Variants in CFAP221 observed in about 807,000 individuals in gnomAD.
CFAP221 encodes the protein cilia and flagella associated protein 221, also known as cilia- and flagella-associated protein 221.
CFAP221 carries 97 observed loss-of-function variants against 113.1 expected under a neutral mutation model. That is an observed-to-expected ratio of 0.86 (90% confidence interval 0.73 to 1.02). The LOEUF (loss-of-function observed/expected upper bound fraction) is 1.02. Ranked by LOEUF, CFAP221 falls within the 50% of genes least tolerant of loss-of-function variation. The probability of loss-of-function intolerance (pLI) is 0.00; values close to 1 mark genes in which losing one functional copy is unlikely to be tolerated. For synonymous variants in CFAP221, 331 were observed against 354.4 expected, an observed-to-expected ratio of 0.93 and a Z score of 0.74; for missense variants, 1,025 against 1,013.4, an observed-to-expected ratio of 1.01 and a Z score of -0.16.
At chr2:119,647,650 A>C (rs1011759719) in intron 22 of CFAP221, among the ~76,000 whole-genome samples, 4 of 152,124 alleles carry the variant, frequency 2.6e-5, no homozygotes, top group Non-Finnish European at 5.9e-5. Flanking sequence ...CTCACCTGGC[A>C]TTGCCCCATT....
intron 11 of CFAP221, among the ~76,000 whole-genome samples, chr2:119,606,639 A>T (rs945474772): frequency 7.9e-5 from 12 of 152,126 alleles, no homozygotes; most frequent in Admixed American, 7.9e-4. Context: ...TTTTTTACAT[A>T]TAGAGAAGGA....
At chr2:119,557,044 C>G (rs959126986) in intron 3 of CFAP221, 19 of 152,194 alleles carry the variant, frequency 1.2e-4, no homozygotes, top group Admixed American at 9.8e-4. Context: ...AGTTTAGGTT[C>G]CTGTCTTCCT....
intron 19 of CFAP221, among the ~76,000 whole-genome samples, chr2:119,631,570 G>T (rs1410198451): frequency 6.6e-6 from 1 of 152,198 alleles, no homozygotes; most frequent in Non-Finnish European, 1.5e-5. Context: ...AGCTATTCAG[G>T]AGGCTGAGGC....
intron 7 of CFAP221, among the ~76,000 whole-genome samples, chr2:119,597,660 A>G (rs1031844874): frequency 6.6e-6 from 1 of 152,196 alleles, no homozygotes; most frequent in Non-Finnish European, 1.5e-5. Flanking sequence ...AAATTTACCG[A>G]AAAACGAAAG....
chr2:119,607,967 C>T (rs1684884446), intron 11 of CFAP221, among the ~76,000 whole-genome samples: 1 of 152,168 alleles, frequency 6.6e-6, no homozygotes, highest in South Asian at 2.1e-4. Flanking sequence ...CTGCTATGAA[C>T]ATTTATATGC....
Position 119,549,123 on chromosome 2 carries a change from G to A in CFAP221, c.178G>A (p.Ala60Thr). ...ACTTGTGAATAATAAGGTCATACAGGCAAGACCTGGCATAATACATTTTGG... is the reference window on the plus strand; with the variant it reads ...ACTTGTGAATAATAAGGTCATACAGACAAGACCTGGCATAATACATTTTGG... Reference protein sequence around the residue: ...AKLVNNKVIQARPGIIHFGGY... With the variant: ...AKLVNNKVIQTRPGIIHFGGY... The change falls in exon 3 of 24, where the codon GCA (alanine) becomes ACA (threonine). Residue 60 changes from alanine to threonine, a missense_variant. By Grantham distance (58) the Ala-to-Thr change is moderately conservative. Transcript: ENST00000413369. 1 of 1,534,768 alleles carries A rather than the reference G, an allele frequency of 6.5e-7. No homozygotes were observed.
intron 2 of CFAP221, 110 bp downstream of exon 2, chr2:119,546,380 A>G: frequency 8.2e-7 from 1 of 1,223,642 alleles, no homozygotes; most frequent in East Asian, 2.6e-5. Flanking sequence ...ATCATTTTAT[A>G]GGCTTATACT....
intron 6 of CFAP221, among the ~76,000 whole-genome samples, chr2:119,570,916 C>T (rs1681995898): frequency 6.6e-6 from 1 of 152,046 alleles, no homozygotes; most frequent in Non-Finnish European, 1.5e-5. Flanking sequence ...ATTGTTAGGT[C>T]ATATGGTAAA....
chr2:119,544,930 A>G (rs1157796618), intron 1 of CFAP221, among the ~76,000 whole-genome samples: 1 of 151,348 alleles, frequency 6.6e-6, no homozygotes, highest in Admixed American at 6.6e-5. Context: ...CTCCGGGAGG[A>G]GACGGGCTGC....
At chr2:119,620,480 C>A (rs1685828754) in intron 14 of CFAP221, among the ~76,000 whole-genome samples, 1 of 152,168 alleles carries the variant, frequency 6.6e-6, no homozygotes, top group Non-Finnish European at 1.5e-5. Context: ...AATTTCATAT[C>A]CAGCCAAACT....
At chr2:119,593,742 G>T (rs577819642) in intron 7 of CFAP221, among the ~76,000 whole-genome samples, 86 of 152,260 alleles carry the variant, frequency 5.6e-4, no homozygotes, top group Non-Finnish European at 1.0e-3. Context: ...GGAGGCTGAG[G>T]CAGGAGAATG....
Position 119,560,046 on chromosome 2 carries a change from T to C in CFAP221, c.426+20T>C, listed in dbSNP as rs766835517. ...TGTAAGGTAGGTCTCTTAAAATTGCTTTTTTTTTTTTTTTTTTTTGATGGT... is the reference window on the plus strand; with the variant it reads ...TGTAAGGTAGGTCTCTTAAAATTGCCTTTTTTTTTTTTTTTTTTTGATGGT... On this transcript the variant is annotated intron_variant, in intron 5 of 23. Coordinates refer to ENST00000413369, the MANE Select transcript of CFAP221 (RefSeq NM_001271049.2). 8.3e-5 allele frequency: 11 copies of C among 133,052 alleles called. No individual in the cohort carries two copies. In the Admixed American group the frequency reaches 1.2e-3, roughly 15 times the overall value. 8.2% of individuals were successfully genotyped at this position (133,052 alleles called of 1,614,324 possible).
At chr2:119,568,694 T>C (rs1013618602) in intron 6 of CFAP221, among the ~76,000 whole-genome samples, 2 of 152,228 alleles carry the variant, frequency 1.3e-5, no homozygotes, top group African/African-American at 4.8e-5. Context: ...GGCTGGATAG[T>C]ATTCCATGGT....
chr2:119,579,728 C>T (rs1222906368), intron 6 of CFAP221, among the ~76,000 whole-genome samples: 1 of 152,124 alleles, frequency 6.6e-6, no homozygotes, highest in Non-Finnish European at 1.5e-5. Context: ...ACCCTGACAC[C>T]TTTTCTATGG....
intron 6 of CFAP221, 137 bp downstream of exon 6, chr2:119,562,251 G>T: frequency 5.6e-6 from 1 of 177,658 alleles, no homozygotes; most frequent in Non-Finnish European, 8.2e-6. Context: ...CATTGTAAAA[G>T]GCAAAAAAAA....
intron 12 of CFAP221, 90 bp from the exon 13 acceptor site, chr2:119,611,563 A>T: frequency 8.5e-7 from 1 of 1,170,146 alleles, no homozygotes; most frequent in Non-Finnish European, 1.2e-6. Context: ...GGATTTGGCC[A>T]ATTGCTTAAT....
intron 14 of CFAP221, among the ~76,000 whole-genome samples, chr2:119,616,004 T>C (rs1685499593): frequency 6.6e-6 from 1 of 152,246 alleles, no homozygotes; most frequent in Non-Finnish European, 1.5e-5. Context: ...TCTCTGTCTC[T>C]ACGGATTTGC....
At chr2:119,608,474 G>C in intron 11 of CFAP221, 28 bp from the exon 12 acceptor site, 1 of 1,442,912 alleles carries the variant, frequency 6.9e-7, no homozygotes, top group Middle Eastern at 1.8e-4. Context: ...GATGGGTTCT[G>C]GACACAGTTT....
At chr2:119,634,924 A>T (rs1687020798) in intron 19 of CFAP221, among the ~76,000 whole-genome samples, 1 of 152,226 alleles carries the variant, frequency 6.6e-6, no homozygotes, top group African/African-American at 2.4e-5. Flanking sequence ...CCAATAATGC[A>T]CATTTAAAAA....
Sources: gnomAD v4.1 joint callset for allele counts (sites outside exome capture counted in the v4.1 genomes callset) on GRCh38, gnomAD v4.1.1 for gene constraint, MANE v1.5 for transcripts, NCBI Gene and HGNC (gene_info 2026-07-23, HGNC 2026-07-21) for gene names.